The following PAFAH1B2 variants were observed in gnomAD, a reference collection of about 807,000 sequenced individuals.
PAFAH1B2 encodes the protein platelet-activating factor acetylhydrolase IB subunit alpha2.
PAFAH1B2 carries 8 observed loss-of-function variants against 28.0 expected under a neutral mutation model. The ratio of observed to expected loss-of-function variants is 0.29; its 90% confidence interval spans 0.17 to 0.52. The LOEUF (loss-of-function observed/expected upper bound fraction) is 0.52, where lower values mean the gene tolerates loss of function less well. PAFAH1B2 is among the 20% of genes least tolerant of loss of function. The pLI is 0.97. For synonymous variants in PAFAH1B2, 104 were observed against 103.2 expected (o/e 1.01, Z -0.05); for missense variants, 190 against 282.6 (o/e 0.67, Z 2.35).
At chr11:117,159,425 C>T (rs1236393476) in intron 2 of PAFAH1B2, 1 of 151,972 alleles carries the variant, frequency 6.6e-6, no homozygotes, top group Non-Finnish European at 1.5e-5. Context: ...ATATCAGTTT[C>T]TTTTTTTATT....
intron 5 of PAFAH1B2, among the ~76,000 whole-genome samples, chr11:117,166,204 G>A (rs1309436158): frequency 6.6e-6 from 1 of 152,156 alleles, no homozygotes; most frequent in Non-Finnish European, 1.5e-5. Flanking sequence ...TTGCTGGGGG[G>A]CCAGATCTTT....
chr11:117,151,855 C>T (rs181545765), intron 1 of PAFAH1B2, among the ~76,000 whole-genome samples: 22 of 152,096 alleles, frequency 1.4e-4, no homozygotes, highest in Non-Finnish European at 2.2e-4. Flanking sequence ...TACAGGCGCC[C>T]GCCACCTCAC....
At chr11:117,175,037 C>T (rs1446749750), downstream of PAFAH1B2, 3 of 1,365,180 alleles carry the variant, frequency 2.2e-6, no homozygotes, top group Non-Finnish European at 9.5e-7. Flanking sequence ...CCAGCAAGCT[C>T]CTCAGCTGTG....
chr11:117,147,811 CTG>C (rs1956049385), intron 1 of PAFAH1B2, among the ~76,000 whole-genome samples: 1 of 152,156 alleles, frequency 6.6e-6, no homozygotes, highest in Admixed American at 6.6e-5. Flanking sequence ...GACAAAAAGA[CTG>C]TGTAATTAGG....
intron 1 of PAFAH1B2, among the ~76,000 whole-genome samples, chr11:117,144,786 A>G (rs1442125454): frequency 6.8e-6 from 1 of 147,604 alleles, no homozygotes; most frequent in South Asian, 2.3e-4. Context: ...CACCCGCGGT[A>G]GGCCTTGCGC....
chr11:117,175,468 G>A (rs889681381), downstream of PAFAH1B2: 10 of 1,076,272 alleles, frequency 9.3e-6, no homozygotes, highest in African/African-American at 1.6e-5. Context: ...CTCTGTAGAC[G>A]CAGGGTCCTG....
At chr11:117,164,406 C>CAA (rs11418579) in intron 5 of PAFAH1B2, among the ~76,000 whole-genome samples, 109,648 of 149,002 alleles carry the variant, frequency 0.74, 40,904 homozygotes, top group Non-Finnish European at 0.82. Flanking sequence ...GACTCCGTCT[C>CAA]AAAAAAAAAA....
intron 4 of PAFAH1B2, among the ~76,000 whole-genome samples, chr11:117,161,609 A>G (rs1327872743): frequency 6.6e-6 from 1 of 151,728 alleles, no homozygotes; most frequent in Non-Finnish European, 1.5e-5. Flanking sequence ...CCTGGGTTCA[A>G]GCGATTCTCC....
At chr11:117,159,905 A>T (rs780719457) in intron 2 of PAFAH1B2, 29 bp from the exon 3 acceptor site, 11 of 1,488,080 alleles carry the variant, frequency 7.4e-6, no homozygotes, top group Middle Eastern at 1.7e-4. Context: ...GTGCCAGTTA[A>T]TAATTTTTTT....
chr11:117,163,390 G>A (rs925370984), intron 4 of PAFAH1B2, among the ~76,000 whole-genome samples: 2 of 151,914 alleles, frequency 1.3e-5, no homozygotes, highest in East Asian at 3.9e-4. Flanking sequence ...TAAGATTTTC[G>A]GCCGGGCGTG....
intron 1 of PAFAH1B2, among the ~76,000 whole-genome samples, chr11:117,149,843 C>G (rs1458973237): frequency 2.6e-5 from 4 of 151,920 alleles, no homozygotes; most frequent in Non-Finnish European, 5.9e-5. Context: ...GGGTGCATTT[C>G]AAAAATACCC....
Position 117,169,102 on chromosome 11 carries a change from G to A in PAFAH1B2, c.*1403G>A. 9.8e-7 allele frequency: 1 copy of A among 1,020,332 alleles called. No homozygotes were observed. The highest frequency in any genetic ancestry group is 1.2e-6 in the Non-Finnish European group (1 of 850,588). 63.2% of individuals were successfully genotyped at this position (1,020,332 alleles called of 1,614,324 possible). On this transcript the variant is annotated 3_prime_UTR_variant, in exon 6 of 6. Coordinates refer to ENST00000527958, the MANE Select transcript of PAFAH1B2 (RefSeq NM_002572.4). ...CACCGTGCCTGGCCTTATTGGCTTA[G>A]TTTTTAAATTATCCTCCAAAAATTT...
At chr11:117,165,288 T>C (rs1443753022) in intron 5 of PAFAH1B2, among the ~76,000 whole-genome samples, 1 of 148,154 alleles carries the variant, frequency 6.7e-6, no homozygotes, top group Non-Finnish European at 1.5e-5. Flanking sequence ...AGGTGGAGGT[T>C]GCAGTGAGCC....
chr11:117,163,936 A>G (rs1444013835), intron 5 of PAFAH1B2, 44 bp downstream of exon 5: 4 of 1,593,302 alleles, frequency 2.5e-6, no homozygotes, highest in Non-Finnish European at 3.4e-6. Context: ...TCTTTAGGTC[A>G]GCTGAGGAAT....
intron 2 of PAFAH1B2, among the ~76,000 whole-genome samples, chr11:117,153,510 C>T (rs572270017): frequency 6.6e-6 from 1 of 152,244 alleles, no homozygotes; most frequent in East Asian, 1.9e-4. Context: ...TGTGTCTTAG[C>T]CTCCCAAGTA....
chr11:117,147,507 T>A (rs1419394004), intron 1 of PAFAH1B2, among the ~76,000 whole-genome samples: 1 of 152,180 alleles, frequency 6.6e-6, no homozygotes, highest in Non-Finnish European at 1.5e-5. Flanking sequence ...CACAACAGTT[T>A]CTCTGATTTC....
chr11:117,171,878 A>G, downstream of PAFAH1B2: 1 of 699,662 alleles, frequency 1.4e-6, no homozygotes, highest in Non-Finnish European at 2.3e-6. Context: ...TAGGAGGAAA[A>G]ATTTGGAGGT....
intron 1 of PAFAH1B2, among the ~76,000 whole-genome samples, chr11:117,152,175 TGGA>T (rs917919214): frequency 6.6e-6 from 1 of 152,176 alleles, no homozygotes; most frequent in South Asian, 2.1e-4. Flanking sequence ...AGTATATACT[TGGA>T]GGAGATTTTT....
chr11:117,171,936 ATC>A (rs1399704815), downstream of PAFAH1B2, among the ~76,000 whole-genome samples: 10 of 151,932 alleles, frequency 6.6e-5, no homozygotes, highest in Admixed American at 3.9e-4. Flanking sequence ...CCTCCCCAGT[ATC>A]TCATCACACC....
Sources: allele counts gnomAD v4.1 joint callset (sites outside exome capture counted in the v4.1 genomes callset), GRCh38; gene constraint gnomAD v4.1.1; transcripts MANE v1.5; gene names NCBI Gene and HGNC (gene_info 2026-07-23, HGNC 2026-07-21).